PSMG2: variants seen among roughly 807,000 people sequenced by gnomAD.
PSMG2 encodes the protein proteasome assembly chaperone 2, also known as CD40 ligand-activated specific transcript 3.
A neutral mutation model predicts 31.5 loss-of-function variants in PSMG2; 21 were observed. The observed-to-expected ratio is 0.67, with a 90% CI of 0.47 to 0.96. PSMG2 has a LOEUF of 0.96. PSMG2 is among the 40% of genes least tolerant of loss of function. The pLI is 0.00. For synonymous variants in PSMG2, 120 were observed against 110.4 expected (o/e 1.09, Z -0.54); for missense variants, 318 against 321.2 (o/e 0.99, Z 0.08).
chr18:12,706,031 T>C (rs924139241), intron 1 of PSMG2, among the ~76,000 whole-genome samples: 1 of 152,260 alleles, frequency 6.6e-6, no homozygotes, highest in African/African-American at 2.4e-5. Flanking sequence ...AATTGACATA[T>C]AGTAGGCATT....
At position 12,725,513 on chromosome 18, in the gene PSMG2, TC is replaced by T; in HGVS notation, c.782del (p.Pro261LeufsTer36). 1.3e-6 allele frequency: 2 copies of T among 1,596,354 alleles called. No individual in the cohort carries two copies. Among genetic ancestry groups the T allele is most frequent in the Non-Finnish European group, 8.6e-7 (1 of 1,164,310 alleles). Reference sequence around the variant, plus strand: ...GGAGATTACTCTTTGGCAGTGGTCTTCCCCCTGCACTTTTCTGATCTAATTT... The same window carrying T: ...GGAGATTACTCTTTGGCAGTGGTCTTCCCCTGCACTTTTCTGATCTAATTT... ...SWRLLFGSGL[P>X]PALF On this transcript the variant is annotated frameshift_variant, in exon 7 of 7. Transcript: ENST00000317615. LOFTEE classifies it high-confidence loss of function.
intron 4 of PSMG2, 35 bp downstream of exon 4, chr18:12,718,670 T>C (rs1350660286): frequency 7.1e-7 from 1 of 1,405,106 alleles, no homozygotes; most frequent in Admixed American, 2.1e-5. Flanking sequence ...ATTTTTGGTA[T>C]GGTTTATACT....
chr18:12,703,050 G>C lies in PSMG2; in HGVS notation c.-58G>C. The C allele has an allele frequency of 1.9e-6, 3 of 1,578,894 alleles. No individual in the cohort carries two copies. The highest frequency in any genetic ancestry group is 2.6e-6 in the Non-Finnish European group (3 of 1,160,150). ...CGGGGTCTCGGGCTTCCGCCTTCTT[G>C]CTGCCCTCGTTCTTGCCAGGGCCGC... On this transcript the variant is annotated 5_prime_UTR_variant, in exon 1 of 7. Transcript: ENST00000317615.
At position 12,721,034 on chromosome 18, in the gene PSMG2, G is replaced by T. The variant is rs1373814688; in HGVS notation, c.581+351G>T. Reference sequence around the variant, plus strand: ...TATCTACTAAAAATACAAAAAATTAGCTGGGCGTGATGGTGGGCACCTGTA... The same window carrying T: ...TATCTACTAAAAATACAAAAAATTATCTGGGCGTGATGGTGGGCACCTGTA... On this transcript the variant is annotated intron_variant, in intron 5 of 6. Transcript: ENST00000317615. 2.6e-5 allele frequency among the ~76,000 whole-genome samples: 4 copies of T among 152,088 alleles called. No individual in the cohort carries two copies. In the East Asian group the frequency reaches 7.8e-4, roughly 30 times the overall value.
intron 1 of PSMG2, among the ~76,000 whole-genome samples, chr18:12,703,710 C>CTTGT (rs2040227424): frequency 6.6e-6 from 1 of 152,050 alleles, no homozygotes; most frequent in African/African-American, 2.4e-5. Flanking sequence ...AATCTAAGAG[C>CTTGT]AATAAATGCT....
chr18:12,706,240 G>A (rs990017589), intron 1 of PSMG2, among the ~76,000 whole-genome samples: 35 of 152,130 alleles, frequency 2.3e-4, no homozygotes, highest in African/African-American at 6.3e-4. Context: ...AGGCTGAGGC[G>A]GGTGGATCAC....
At chr18:12,702,422 G>T, upstream of PSMG2, 1 of 1,303,334 alleles carries the variant, frequency 7.7e-7, no homozygotes, top group Non-Finnish European at 1.1e-6. Flanking sequence ...GCCCGGGGCC[G>T]CCGGGCAGGA....
chr18:12,722,385 G>A (rs2040439208), intron 5 of PSMG2, among the ~76,000 whole-genome samples: 1 of 152,128 alleles, frequency 6.6e-6, no homozygotes, highest in South Asian at 2.1e-4. Flanking sequence ...CCCAAGCAGA[G>A]CTGAGTGGAG....
At chr18:12,691,286 T>C in intron 1 of PSMG2, 1 of 934,418 alleles carries the variant, frequency 1.1e-6, no homozygotes, top group Non-Finnish European at 1.6e-6. Flanking sequence ...CAAATAAATA[T>C]TAAATGAAAT....
chr18:12,661,062 G>C (rs963876320), intron 1 of PSMG2, among the ~76,000 whole-genome samples: 1 of 151,910 alleles, frequency 6.6e-6, no homozygotes, highest in Non-Finnish European at 1.5e-5. Context: ...AATCCCAGCA[G>C]TTTGGGAGGC....
chr18:12,724,673 C>A, intron 6 of PSMG2, 54 bp downstream of exon 6: 1 of 1,493,220 alleles, frequency 6.7e-7, no homozygotes, highest in South Asian at 1.4e-5. Context: ...TTCATTAACT[C>A]GCACTTTATA....
At chr18:12,712,849 G>T (rs2040344141) in intron 3 of PSMG2, 89 bp downstream of exon 3, 2 of 992,922 alleles carry the variant, frequency 2.0e-6, no homozygotes, top group East Asian at 4.9e-5. Context: ...AATTACTACT[G>T]TTTTTACCAT....
rs779771201 is a variant in PSMG2 at position 12,674,582 on chromosome 18, G to A, written c.-37+15809G>A. ...CGTCTTGCATTTCTATACACAAAAT[G>A]TATTGGGAACCCTTTAAATGTGTGA... On this transcript the variant is annotated intron_variant, in intron 1 of 6. Transcript: ENST00000585331. 6 of 1,613,948 alleles carry A rather than the reference G, an allele frequency of 3.7e-6. No individual in the cohort carries two copies. The East Asian group carries it at 1.1e-4, about 30-fold the overall frequency.
intron 1 of PSMG2, chr18:12,673,206 A>T (rs1431228995): frequency 7.5e-7 from 1 of 1,336,110 alleles, no homozygotes; most frequent in Non-Finnish European, 9.6e-7. Context: ...GGAATGCATG[A>T]TTTTTTTTAA....
At chr18:12,663,815 G>A (rs1342450093) in intron 1 of PSMG2, among the ~76,000 whole-genome samples, 2 of 152,166 alleles carry the variant, frequency 1.3e-5, no homozygotes, top group Non-Finnish European at 2.9e-5. Context: ...GCCCAGGCTG[G>A]ATGGAGTGCA....
At position 12,706,638 on chromosome 18, in the gene PSMG2, C is replaced by T. The variant is rs1277065305; in HGVS notation, c.146C>T (p.Thr49Ile). ...ATGTCTAAGATTGGTTACTTCTATA[C>T]CGATTGTCTTGTGCCAATGGTTGGA... The part of the protein sequence containing the change: ...LNMSKIGYFY[T>I]DCLVPMVGNN... Residue 49 changes from threonine to isoleucine, a missense_variant, in exon 2 of 7, where the codon ACC becomes ATC. Thr to Ile is a moderately conservative substitution (Grantham distance 89). Transcript: ENST00000317615. 1.9e-6 allele frequency: 3 copies of T among 1,614,038 alleles called. No individual in the cohort carries two copies. Among genetic ancestry groups the T allele is most frequent in the African/African-American group, 2.7e-5 (2 of 75,050 alleles).
chr18:12,664,208 C>T (rs562871662), intron 1 of PSMG2, among the ~76,000 whole-genome samples: 13 of 151,958 alleles, frequency 8.6e-5, no homozygotes, highest in South Asian at 4.2e-4. Context: ...CTGAATGGGC[C>T]GGGACTACAG....
upstream of PSMG2, among the ~76,000 whole-genome samples, chr18:12,701,715 A>G (rs1262478640): frequency 6.6e-6 from 1 of 152,186 alleles, no homozygotes. Flanking sequence ...GAGCTCCGAA[A>G]TATTAACAAA....
chr18:12,723,333 A>ATAAAAC (rs2040448080), intron 5 of PSMG2, among the ~76,000 whole-genome samples: 1 of 152,130 alleles, frequency 6.6e-6, no homozygotes, highest in Non-Finnish European at 1.5e-5. Context: ...TCTCATCACT[A>ATAAAAC]GCTTGAGGCG....
Sources: allele counts gnomAD v4.1 joint callset (sites outside exome capture counted in the v4.1 genomes callset), GRCh38; gene constraint gnomAD v4.1.1; transcripts MANE v1.5; gene names NCBI Gene and HGNC (gene_info 2026-07-23, HGNC 2026-07-21).